LRRC4C: variants seen among roughly 807,000 people sequenced by gnomAD.
LRRC4C encodes leucine rich repeat containing 4C, also known as leucine-rich repeat-containing protein 4C.
In LRRC4C, 5 loss-of-function variants were observed where a neutral mutation model predicts 33.6. The ratio of observed to expected loss-of-function variants is 0.15; its 90% CI spans 0.08 to 0.31. The LOEUF is 0.31. LRRC4C is among the 10% of genes least tolerant of loss of function. LRRC4C has a pLI of 1.00. For synonymous variants in LRRC4C, 329 were observed against 302.0 expected (o/e 1.09, Z -0.93); for missense variants, 560 against 796.7 (o/e 0.70, Z 3.58).
chr11:40,567,477 T>C (rs1957811613), intron 3 of LRRC4C, among the ~76,000 whole-genome samples: 1 of 152,200 alleles, frequency 6.6e-6, no homozygotes, highest in Non-Finnish European at 1.5e-5. Flanking sequence ...ATTTTATAGC[T>C]ATGGACACTT....
In LRRC4C at chr11:40,937,647, G is replaced by A. The variant is rs564848354; in HGVS notation, c.-495-3924C>T. On this transcript the variant is annotated intron_variant, in intron 1 of 6. Coordinates refer to ENST00000528697, the MANE Select transcript of LRRC4C (RefSeq NM_001258419.2). The stretch of plus-strand genomic sequence containing the variant: ...TGTGTGTGTGTGTGTGTGTGTGTAG[G>A]GTGGTTGTTGTTGTCTTTTTTGAGA... 2.2e-4 allele frequency among the ~76,000 whole-genome samples: 32 copies of A among 145,820 alleles called. No individual in the cohort carries two copies. The South Asian group carries it at 7.1e-3, about 32-fold the overall frequency.
chr11:41,071,496 G>T (rs539930009), intron 1 of LRRC4C, among the ~76,000 whole-genome samples: 1 of 152,216 alleles, frequency 6.6e-6, no homozygotes, highest in Admixed American at 6.5e-5. Context: ...CTCTTTCTCT[G>T]CTCTATAAAT....
chr11:40,341,078 T>A (rs1946844547), intron 3 of LRRC4C, among the ~76,000 whole-genome samples: 1 of 152,196 alleles, frequency 6.6e-6, no homozygotes, highest in Non-Finnish European at 1.5e-5. Flanking sequence ...TCAAAGGCTG[T>A]TGAAAGGAGC....
chr11:40,122,662 G>GT (rs1290255018), intron 6 of LRRC4C, among the ~76,000 whole-genome samples: 2 of 151,648 alleles, frequency 1.3e-5, no homozygotes, highest in Non-Finnish European at 2.9e-5. Context: ...TTATCAACAG[G>GT]TTATATTGAT....
At position 40,115,966 on chromosome 11, in the gene LRRC4C, C is replaced by T. The variant is rs976761862; in HGVS notation, c.327G>A (p.Arg109=). 1.8e-5 allele frequency: 29 copies of T among 1,613,966 alleles called. No homozygotes were observed. The Admixed American group carries it at 4.0e-4, about 22-fold the overall frequency. ...LRHLEILQLS[R]NHIRTIEIGA... ...CAATTTCAATGGTTCTGATATGGTT[C>T]CTACTCAACTGTAGGATTTCCAAGT... The change falls in exon 7 of 7, where the codon AGG becomes AGA. Residue 109 remains arginine (R), a synonymous_variant. Coordinates refer to ENST00000528697, the MANE Select transcript of LRRC4C (RefSeq NM_001258419.2). The surrounding 1 kb of genome is among the most constrained non-coding windows in gnomAD (Gnocchi z 6.7).
chr11:40,810,219 T>A (rs1313137246), intron 2 of LRRC4C, among the ~76,000 whole-genome samples: 1 of 152,198 alleles, frequency 6.6e-6, no homozygotes, highest in Non-Finnish European at 1.5e-5. Context: ...TAATTGACCT[T>A]GCAGCAAAAA....
intron 3 of LRRC4C, among the ~76,000 whole-genome samples, chr11:40,631,957 TA>T (rs1216824166): frequency 6.6e-6 from 1 of 152,196 alleles, no homozygotes; most frequent in Non-Finnish European, 1.5e-5. Flanking sequence ...AAATATTTCC[TA>T]AATGTTATGA....
At chr11:40,233,181 C>T (rs1308899283) in intron 5 of LRRC4C, among the ~76,000 whole-genome samples, 1 of 152,148 alleles carries the variant, frequency 6.6e-6, no homozygotes, top group East Asian at 1.9e-4. Context: ...TGCTGATGCC[C>T]ACTCATTTTA....
intron 1 of LRRC4C, among the ~76,000 whole-genome samples, chr11:40,978,652 C>T (rs1427116520): frequency 6.8e-6 from 1 of 146,614 alleles, no homozygotes; most frequent in African/African-American, 2.5e-5. Context: ...TATGGAGTCT[C>T]GCTCTGTTGC....
At chr11:40,854,836 G>A (rs1435158406) in intron 2 of LRRC4C, among the ~76,000 whole-genome samples, 1 of 151,806 alleles carries the variant, frequency 6.6e-6, no homozygotes, top group Non-Finnish European at 1.5e-5. Context: ...GTGTTTTTCA[G>A]TTGGCTGGAT....
intron 3 of LRRC4C, among the ~76,000 whole-genome samples, chr11:40,363,195 G>A (rs1590451402): frequency 1.3e-5 from 2 of 152,240 alleles, no homozygotes; most frequent in African/African-American, 4.8e-5. Flanking sequence ...AGAAAATGTG[G>A]TACATATACA....
At chr11:40,365,724 C>T (rs906564788) in intron 3 of LRRC4C, among the ~76,000 whole-genome samples, 2 of 151,950 alleles carry the variant, frequency 1.3e-5, no homozygotes, top group African/African-American at 4.8e-5. Context: ...ACAAAAATGC[C>T]AACCTTGACA....
At chr11:40,210,928 A>C (rs1863555089) in intron 5 of LRRC4C, among the ~76,000 whole-genome samples, 1 of 150,512 alleles carries the variant, frequency 6.6e-6, no homozygotes, top group Non-Finnish European at 1.5e-5. Flanking sequence ...GCCTGCCACC[A>C]TGCCTGGCTA....
chr11:40,867,912 G>A (rs1033504283), intron 2 of LRRC4C, among the ~76,000 whole-genome samples: 9 of 152,056 alleles, frequency 5.9e-5, no homozygotes, highest in African/African-American at 1.7e-4. Flanking sequence ...CAAGGGAAAC[G>A]GTTTGGTGAA....
At chr11:40,945,023 CTTTTTTT>C (rs767515626) in intron 1 of LRRC4C, among the ~76,000 whole-genome samples, 5 of 111,094 alleles carry the variant, frequency 4.5e-5, no homozygotes, top group Admixed American at 8.9e-5. Context: ...TGCAGTTTTT[CTTTTTTT>C]TTTTTTTTTT....
rs544833199 is a variant in LRRC4C at position 41,018,298 on chromosome 11, A to C, written c.-495-84575T>G. ...GCAAGTTTCTTTTCTCTTTTTGTCA[A>C]TTAAACACTTCTAGATCAGCACCAA... On this transcript the variant is annotated intron_variant, in intron 1 of 6. Transcript: ENST00000528697. Among the ~76,000 whole-genome samples, 4 of 152,274 alleles carry C rather than the reference A, an allele frequency of 2.6e-5. No individual in the cohort carries two copies. In the East Asian group the frequency reaches 7.7e-4, roughly 29 times the overall value.
intron 2 of LRRC4C, among the ~76,000 whole-genome samples, chr11:40,681,295 T>G (rs377525986): frequency 7.9e-5 from 12 of 152,330 alleles, no homozygotes; most frequent in African/African-American, 2.9e-4. Flanking sequence ...TGTCTGTCTA[T>G]GCTTTCAAAA....
At chr11:41,041,044 T>C (rs903421229) in intron 1 of LRRC4C, among the ~76,000 whole-genome samples, 2 of 152,172 alleles carry the variant, frequency 1.3e-5, no homozygotes, top group African/African-American at 4.8e-5. Flanking sequence ...GGAATTTGTT[T>C]TAGAATTCAA....
chr11:40,700,973 A>G (rs1420360819), intron 2 of LRRC4C, among the ~76,000 whole-genome samples: 1 of 152,058 alleles, frequency 6.6e-6, no homozygotes, highest in Non-Finnish European at 1.5e-5. Flanking sequence ...GAGAGTACAT[A>G]TTTTCGTTTT....
Sources: allele counts gnomAD v4.1 joint callset (sites outside exome capture counted in the v4.1 genomes callset), GRCh38; gene constraint gnomAD v4.1.1; non-coding constraint Gnocchi (gnomAD v3.1); transcripts MANE v1.5; gene names NCBI Gene and HGNC (gene_info 2026-07-23, HGNC 2026-07-21).